Variants in UMAD1 observed in about 807,000 individuals in gnomAD.
UMAD1 encodes UBAP1-MVB12-associated (UMA)-domain containing protein 1.
In UMAD1, 8 loss-of-function variants were observed where a neutral mutation model predicts 6.1. The ratio of observed to expected loss-of-function variants is 1.30; its 90% CI spans 0.76 to 2.35. UMAD1 has a LOEUF of 2.35. UMAD1 is among the 30% of genes most tolerant of loss of function. The pLI, the probability that UMAD1 is intolerant of heterozygous loss-of-function variation, is 0.00. For missense variants in UMAD1, 130 were observed against 78.4 expected (o/e 1.66, Z -2.49); for synonymous variants, 56 against 31.4 (o/e 1.78, Z -2.61).
intron 1 of UMAD1, among the ~76,000 whole-genome samples, chr7:7,668,374 A>G (rs1003638469): frequency 6.6e-6 from 1 of 152,198 alleles, no homozygotes; most frequent in African/African-American, 2.4e-5. Context: ...AAAAAAATTT[A>G]TGAGTACAGT....
chr7:7,871,910 T>G (rs1784339411), intron 3 of UMAD1, among the ~76,000 whole-genome samples: 1 of 151,764 alleles, frequency 6.6e-6, no homozygotes, highest in Non-Finnish European at 1.5e-5. Context: ...GAGTTAAGCC[T>G]TAGGCACTGC....
intron 3 of UMAD1, among the ~76,000 whole-genome samples, chr7:7,817,918 A>G (rs11771218): frequency 0.55 from 83,534 of 151,568 alleles, 23,741 homozygotes; most frequent in East Asian, 0.63. Flanking sequence ...GGCTCATGTG[A>G]TCTTCTCACC....
chr7:7,730,573 G>T (rs926904279), intron 2 of UMAD1, among the ~76,000 whole-genome samples: 1 of 152,054 alleles, frequency 6.6e-6, no homozygotes, highest in Non-Finnish European at 1.5e-5. Flanking sequence ...ACATCCTCAC[G>T]TATAAGCCCT....
intron 2 of UMAD1, among the ~76,000 whole-genome samples, chr7:7,752,303 A>C (rs1781692950): frequency 6.6e-6 from 1 of 152,178 alleles, no homozygotes; most frequent in South Asian, 2.1e-4. Context: ...TTAGTTAATA[A>C]AAAAGAGTGA....
At chr7:7,678,639 TA>T (rs1438030463) in intron 2 of UMAD1, among the ~76,000 whole-genome samples, 2 of 126,108 alleles carry the variant, frequency 1.6e-5, no homozygotes, top group Admixed American at 8.0e-5. Context: ...AATTTATAGA[TA>T]AATATATATT....
At position 7,847,100 on chromosome 7, in the gene UMAD1, AAAAAATATATATAT is replaced by A. The variant is rs1165535819; in HGVS notation, c.157-30179_157-30166del. Among the ~76,000 whole-genome samples, 18 of 38,440 alleles carry A rather than the reference AAAAAATATATATAT, an allele frequency of 4.7e-4. 1 individual carries two copies. Among genetic ancestry groups the A allele is most frequent in the African/African-American group, 1.6e-3 (9 of 5,476 alleles). The allele number at this position is 38,440 out of a possible 152,430, so 25.2% of individuals were successfully genotyped here. A position where few individuals can be genotyped will look rare whatever the true frequency, so the allele number is the denominator to read the frequency against. On this transcript the variant is annotated intron_variant, in intron 3 of 3. Transcript: ENST00000682710. ...AAGACAGCAATGCAAAAAAAAAAAA[AAAAAATATATATAT>A]ATATATATATATATATATATATATA...
chr7:7,813,642 T>A (rs1213260688), intron 3 of UMAD1, among the ~76,000 whole-genome samples: 1 of 152,236 alleles, frequency 6.6e-6, no homozygotes, highest in Non-Finnish European at 1.5e-5. Flanking sequence ...ACTTTTTAGC[T>A]GAGAAGTTGG....
At chr7:7,741,547 A>T (rs2115206055) in intron 2 of UMAD1, among the ~76,000 whole-genome samples, 1 of 150,612 alleles carries the variant, frequency 6.6e-6, no homozygotes, top group East Asian at 1.9e-4. Context: ...ACTGCACTCC[A>T]GCCTGGGCTA....
chr7:7,642,306 G>GT lies in UMAD1; in HGVS notation c.-64+1485_-64+1486insT, dbSNP rs1563075360. 2.1e-4 allele frequency among the ~76,000 whole-genome samples: 27 copies of GT among 131,044 alleles called. No homozygotes were observed. The East Asian group carries it at 0.013, about 64-fold the overall frequency. The allele number at this position is 131,044 out of a possible 152,430, so 86.0% of individuals were successfully genotyped here. ...CATACCACCACACCCAGCTAATAAAGATTTTTTTTTTGTTGTTTGTTTTTT... is the reference window on the plus strand; with the variant it reads ...CATACCACCACACCCAGCTAATAAAGTATTTTTTTTTTGTTGTTTGTTTTTT... On this transcript the variant is annotated intron_variant, in intron 1 of 3. Coordinates refer to ENST00000682710, the MANE Select transcript of UMAD1 (RefSeq NM_001302348.2).
intron 1 of UMAD1, among the ~76,000 whole-genome samples, chr7:7,649,584 C>A (rs958024888): frequency 2.0e-5 from 3 of 152,208 alleles, no homozygotes; most frequent in Non-Finnish European, 4.4e-5. Flanking sequence ...GTTATTTTTT[C>A]CTTTCTTGCC....
intron 3 of UMAD1, among the ~76,000 whole-genome samples, chr7:7,822,681 A>T (rs2115297558): frequency 6.6e-6 from 1 of 152,238 alleles, no homozygotes; most frequent in East Asian, 1.9e-4. Flanking sequence ...AAATAGCCAT[A>T]ACGCTTTAGT....
chr7:7,784,218 A>G lies in UMAD1; in HGVS notation c.83-17452A>G, dbSNP rs139094152. 1.3e-3 allele frequency among the ~76,000 whole-genome samples: 192 copies of G among 152,284 alleles called. 3 individuals are homozygous for G. In the East Asian group the frequency reaches 0.036, roughly 29 times the overall value. On this transcript the variant is annotated intron_variant, in intron 2 of 3. Coordinates refer to ENST00000682710, the MANE Select transcript of UMAD1 (RefSeq NM_001302348.2). ...TTGCTTCACTTATTAAATCAGCAAA[A>G]TCATTCCTACTTAATAAAGTTATTG...
At chr7:7,817,445 G>C (rs939100239) in intron 3 of UMAD1, among the ~76,000 whole-genome samples, 3 of 152,184 alleles carry the variant, frequency 2.0e-5, no homozygotes, top group Non-Finnish European at 4.4e-5. Flanking sequence ...TCTAACTTTG[G>C]ATAACCTCCT....
intron 2 of UMAD1, among the ~76,000 whole-genome samples, chr7:7,757,520 G>A (rs985789814): frequency 2.0e-5 from 3 of 152,190 alleles, no homozygotes; most frequent in Admixed American, 6.5e-5. Flanking sequence ...CCAAAGTAAA[G>A]CTACTTTAAT....
chr7:7,673,267 A>G (rs942669869), intron 1 of UMAD1, 42 bp from the exon 2 acceptor site: 153 of 1,065,540 alleles, frequency 1.4e-4, no homozygotes, highest in Non-Finnish European at 2.0e-4. Context: ...AGAGTTTTAC[A>G]GTTGCATCTG....
intron 2 of UMAD1, among the ~76,000 whole-genome samples, chr7:7,678,409 TA>T (rs950516884): frequency 6.9e-5 from 10 of 145,126 alleles, no homozygotes; most frequent in Non-Finnish European, 1.4e-4. Context: ...TTCAGATATA[TA>T]AAAAAATATA....
chr7:7,728,504 C>A (rs1057499528), intron 2 of UMAD1, among the ~76,000 whole-genome samples: 4 of 152,108 alleles, frequency 2.6e-5, no homozygotes, highest in Middle Eastern at 3.4e-3. Flanking sequence ...ATCAGCCAGG[C>A]GTGGTGGCGT....
rs185853551 is a variant in UMAD1, at chr7:7,700,630, G to A, written c.82+27177G>A. Among the ~76,000 whole-genome samples the A allele has an allele frequency of 2.9e-3, 439 of 152,312 alleles. 2 individuals are homozygous for A. The highest frequency in any genetic ancestry group is 9.7e-3 in the African/African-American group (404 of 41,560). ...GGGCCGGGCGCGGTGGCTCACGCCT[G>A]TAATCCTAGTACTTTGGGAGGCCTA... On this transcript the variant is annotated intron_variant, in intron 2 of 3. Transcript: ENST00000682710.
At chr7:7,759,439 C>T (rs575132821) in intron 2 of UMAD1, among the ~76,000 whole-genome samples, 5 of 152,282 alleles carry the variant, frequency 3.3e-5, no homozygotes, top group African/African-American at 1.2e-4. Context: ...CATAAGAGTC[C>T]GGTTACATCG....
Sources: allele counts gnomAD v4.1 joint callset (sites outside exome capture counted in the v4.1 genomes callset), GRCh38; gene constraint gnomAD v4.1.1; transcripts MANE v1.5; gene names NCBI Gene and HGNC (gene_info 2026-07-23, HGNC 2026-07-21).